KRT8: variants seen among roughly 807,000 people sequenced by gnomAD.
KRT8 encodes the protein keratin 8.
A neutral mutation model predicts 43.0 loss-of-function variants in KRT8; 24 were observed. The observed-to-expected ratio is 0.56, with a 90% CI of 0.40 to 0.78. KRT8 has a LOEUF of 0.78. Ranked by LOEUF, KRT8 falls within the 30% of genes least tolerant of loss-of-function variation. KRT8 has a pLI of 0.00. For missense variants in KRT8, 492 were observed against 638.4 expected, an observed-to-expected ratio of 0.77 and a Z score of 2.47; for synonymous variants, 214 against 261.2, an observed-to-expected ratio of 0.82 and a Z score of 1.74.
chr12:52,940,347 C>T (rs375628621), intron 2 of KRT8, among the ~76,000 whole-genome samples: 11 of 150,262 alleles, frequency 7.3e-5, no homozygotes, highest in East Asian at 2.0e-4. Context: ...GCAGGAGAAT[C>T]GCTTGAACCT....
At chr12:52,902,032 T>C in exon 2 of KRT8, 1 of 1,603,454 alleles carries the variant, frequency 6.2e-7, no homozygotes, top group Non-Finnish European at 8.5e-7. Flanking sequence ...GAGGCTCCAC[T>C]TGGTCTCCAG....
chr12:52,935,396 A>AGAAG (rs1592184444), intron 2 of KRT8, among the ~76,000 whole-genome samples: 1 of 145,422 alleles, frequency 6.9e-6, no homozygotes, highest in Non-Finnish European at 1.5e-5. Flanking sequence ...AAAAAAAAAA[A>AGAAG]AAAAAAAAAA....
intron 2 of KRT8, among the ~76,000 whole-genome samples, chr12:52,938,166 A>ATTT (rs1297253183): frequency 5.4e-5 from 2 of 37,068 alleles, no homozygotes; most frequent in Non-Finnish European, 9.3e-5. Flanking sequence ...ATATATATAT[A>ATTT]TATATTTTTT....
intron 2 of KRT8, chr12:52,949,143 G>C (rs1221166270): frequency 1.2e-6 from 2 of 1,601,074 alleles, no homozygotes; most frequent in Non-Finnish European, 1.7e-6. Flanking sequence ...CGCAAAGCCT[G>C]AGTCCTGTCC....
chr12:52,926,213 C>T (rs909875170), intron 2 of KRT8, among the ~76,000 whole-genome samples: 11 of 141,174 alleles, frequency 7.8e-5, no homozygotes, highest in African/African-American at 2.6e-5. Flanking sequence ...GACTGATCTT[C>T]TACAAACACT....
intron 2 of KRT8, among the ~76,000 whole-genome samples, chr12:52,944,260 A>G (rs1942310939): frequency 6.6e-6 from 1 of 152,150 alleles, no homozygotes; most frequent in African/African-American, 2.4e-5. Flanking sequence ...TGAAATATTG[A>G]AATATTTTAT....
At chr12:52,909,310 G>A (rs566435383), upstream of KRT8, among the ~76,000 whole-genome samples, 29 of 152,332 alleles carry the variant, frequency 1.9e-4, no homozygotes, top group Non-Finnish European at 2.4e-4. Flanking sequence ...AAAAGCACCC[G>A]AAATCCCTTT....
rs1399161511 is a variant in KRT8, at chr12:52,926,442, C to G, written c.-46-21415G>C. On this transcript the variant is annotated intron_variant, in intron 2 of 6. Transcript: ENST00000546826. ...CTGCAGGTCCTGGCTCCAGCTCACC[C>G]CATTCATTCCGCAAACATTTGCTGA... The G allele has an allele frequency of 2.6e-6, 4 of 1,535,808 alleles. No individual in the cohort carries two copies. The African/African-American group carries it at 4.1e-5, about 16-fold the overall frequency.
chr12:52,936,041 C>G (rs1398214612), intron 2 of KRT8, among the ~76,000 whole-genome samples: 2 of 151,998 alleles, frequency 1.3e-5, no homozygotes, highest in Non-Finnish European at 2.9e-5. Flanking sequence ...ATCACGAGGT[C>G]AGGAGTTCAA....
chr12:52,926,652 G>A (rs998428770), intron 2 of KRT8, among the ~76,000 whole-genome samples: 2 of 152,098 alleles, frequency 1.3e-5, no homozygotes, highest in Non-Finnish European at 2.9e-5. Context: ...CATTTAGCAT[G>A]CACTGAACAT....
chr12:52,925,596 G>A lies in KRT8; in HGVS notation c.-46-20569C>T, dbSNP rs557107557. Among the ~76,000 whole-genome samples, 324 of 152,210 alleles carry A rather than the reference G, an allele frequency of 2.1e-3. 1 individual carries two copies. Among genetic ancestry groups the A allele is most frequent in the African/African-American group, 7.5e-3 (313 of 41,516 alleles). On this transcript the variant is annotated intron_variant, in intron 2 of 6. Transcript: ENST00000546826. Reference sequence around the variant, plus strand: ...AAAAGGGATCTCTTTGGCGGAGGTGGGGTCAAAGAGATAGATTAGGATGAT... The same window carrying A: ...AAAAGGGATCTCTTTGGCGGAGGTGAGGTCAAAGAGATAGATTAGGATGAT...
intron 2 of KRT8, among the ~76,000 whole-genome samples, chr12:52,942,568 T>C (rs1003277620): frequency 6.6e-6 from 1 of 152,126 alleles, no homozygotes; most frequent in African/African-American, 2.4e-5. Context: ...GCCACCTCAG[T>C]CCCGGGCTTC....
chr12:52,948,928 G>C, intron 2 of KRT8: 1 of 434,204 alleles, frequency 2.3e-6, no homozygotes, highest in Non-Finnish European at 4.0e-6. Context: ...TGGCCACCCC[G>C]TTTCTGGGGG....
At chr12:52,943,390 T>A (rs1942296553) in intron 2 of KRT8, among the ~76,000 whole-genome samples, 1 of 144,528 alleles carries the variant, frequency 6.9e-6, no homozygotes, top group Admixed American at 6.7e-5. Flanking sequence ...AACCTCATTC[T>A]TCTTGGCTTT....
chr12:52,912,761 A>G (rs2120618937), intron 2 of KRT8, among the ~76,000 whole-genome samples: 1 of 152,312 alleles, frequency 6.6e-6, no homozygotes. Flanking sequence ...CCATGAAATG[A>G]TAATTCGTGT....
intron 2 of KRT8, among the ~76,000 whole-genome samples, chr12:52,922,015 CA>C (rs984105169): frequency 6.6e-6 from 1 of 151,112 alleles, no homozygotes; most frequent in Non-Finnish European, 1.5e-5. Flanking sequence ...CTCTCCCCCA[CA>C]AAAAAATTGT....
intron 2 of KRT8, among the ~76,000 whole-genome samples, chr12:52,933,930 A>G (rs915770853): frequency 6.6e-6 from 1 of 151,694 alleles, no homozygotes; most frequent in African/African-American, 2.4e-5. Context: ...CAGGCTCAAA[A>G]CAATTTTTAA....
In KRT8 at chr12:52,940,587, G is replaced by A. The variant is rs985942194; in HGVS notation, c.-47+8869C>T. On this transcript the variant is annotated intron_variant, in intron 2 of 6. Coordinates refer to the KRT8 transcript ENST00000546826. ...TGGGGGTGTCGGGGAGGAGGTGTGG[G>A]GGTGAGCAATGAACTTGACTATAAA... Among the ~76,000 whole-genome samples the A allele has an allele frequency of 3.3e-5, 5 of 151,906 alleles. No homozygotes were observed. The South Asian group carries it at 8.3e-4, about 25-fold the overall frequency.
intron 2 of KRT8, among the ~76,000 whole-genome samples, chr12:52,937,898 A>G (rs1407246909): frequency 2.0e-5 from 3 of 148,406 alleles, no homozygotes; most frequent in Non-Finnish European, 4.5e-5. Context: ...TACTCGGGAG[A>G]CTGAGGCAAG....
Sources: gnomAD v4.1 joint callset for allele counts (sites outside exome capture counted in the v4.1 genomes callset) on GRCh38, gnomAD v4.1.1 for gene constraint, MANE v1.5 for transcripts, NCBI Gene and HGNC (gene_info 2026-07-23, HGNC 2026-07-21) for gene names.